STX1A: variants seen among roughly 807,000 people sequenced by gnomAD.
STX1A encodes syntaxin 1A.
In STX1A, 4 loss-of-function variants were observed where a neutral mutation model predicts 37.8. The ratio of observed to expected loss-of-function variants is 0.11; its 90% CI spans 0.05 to 0.24. The LOEUF (loss-of-function observed/expected upper bound fraction) is 0.24, where lower values mean the gene tolerates loss of function less well. Among genes scored for constraint, STX1A ranks in the 10% least tolerant of loss-of-function variants. The pLI is 1.00. For missense variants in STX1A, 251 were observed against 399.9 expected (o/e 0.63, Z 3.18); for synonymous variants, 135 against 147.4 (o/e 0.92, Z 0.61).
chr7:73,711,607 C>T (rs1250807375), intron 1 of STX1A, among the ~76,000 whole-genome samples: 1 of 152,070 alleles, frequency 6.6e-6, no homozygotes, highest in African/African-American at 2.4e-5. Flanking sequence ...GGAGCCCTCC[C>T]TAGGGAAACT....
chr7:73,717,480 A>T lies in STX1A; in HGVS notation c.30+2122T>A, dbSNP rs1314453002. 6.6e-6 allele frequency among the ~76,000 whole-genome samples: 1 copy of T among 152,052 alleles called. No homozygotes were observed. The highest frequency in any genetic ancestry group is 1.5e-5 in the Non-Finnish European group (1 of 67,986). On this transcript the variant is annotated intron_variant, in intron 1 of 9. Transcript: ENST00000222812. The surrounding 1 kb of genome is among the most constrained non-coding windows in gnomAD (Gnocchi z 4.1). ...GAGAAACTGAATTCTAGGCTTTCCCATCCCCACTTCACAGATGGGAACCCT... is the reference window on the plus strand; with the variant it reads ...GAGAAACTGAATTCTAGGCTTTCCCTTCCCCACTTCACAGATGGGAACCCT...
At chr7:73,703,292 G>A (rs1798734133) in intron 7 of STX1A, 2 of 548,928 alleles carry the variant, frequency 3.6e-6, no homozygotes, top group Non-Finnish European at 6.7e-6. Context: ...TGACTGCCCC[G>A]TGGACCCAAG....
At position 73,699,947 on chromosome 7, in the gene STX1A, C is replaced by T. The variant is rs1331379197; in HGVS notation, c.*460G>A. On this transcript the variant is annotated 3_prime_UTR_variant, in exon 10 of 10. Coordinates refer to ENST00000222812, the MANE Select transcript of STX1A (RefSeq NM_004603.4). ...GGGCTGTCCCTCAGGGCCACCTCTC[C>T]CCTAACCTGAAAAGCAGCACCATGT... 1 of 207,452 alleles carries T rather than the reference C, an allele frequency of 4.8e-6. No homozygotes were observed. Among genetic ancestry groups the T allele is most frequent in the Non-Finnish European group, 9.9e-6 (1 of 100,868 alleles). 12.9% of individuals were successfully genotyped at this position (207,452 alleles called of 1,614,324 possible).
chr7:73,702,825 C>G lies in STX1A; in HGVS notation c.678+20G>C. Reference sequence around the variant, plus strand: ...TGCTGGTGTGGGCTGGAGTGGAGGGCAGGGGGGCCCGGCACTCACCTGGCT... The same window carrying G: ...TGCTGGTGTGGGCTGGAGTGGAGGGGAGGGGGGCCCGGCACTCACCTGGCT... On this transcript the variant is annotated intron_variant, in intron 8 of 9. Coordinates refer to ENST00000222812, the MANE Select transcript of STX1A (RefSeq NM_004603.4). This position sits in a 1 kb window ranked among gnomAD's most constrained non-coding sequence, Gnocchi z 4.7. The G allele has an allele frequency of 6.2e-7, 1 of 1,613,662 alleles. No homozygotes were observed. The highest frequency in any genetic ancestry group is 8.5e-7 in the Non-Finnish European group (1 of 1,179,918).
At chr7:73,704,011 C>G in intron 6 of STX1A, 137 bp downstream of exon 6, 1 of 1,144,876 alleles carries the variant, frequency 8.7e-7, no homozygotes, top group Non-Finnish European at 1.2e-6. Context: ...CCTCCAGCCC[C>G]AAACTCAGCA....
intron 1 of STX1A, among the ~76,000 whole-genome samples, chr7:73,718,580 CA>C (rs1414007734): frequency 6.6e-6 from 1 of 152,014 alleles, no homozygotes; most frequent in African/African-American, 2.4e-5. Context: ...ACCAGATGAC[CA>C]GATGAGACTC....
chr7:73,708,438 T>C, intron 3 of STX1A, 151 bp downstream of exon 3: 2 of 700,074 alleles, frequency 2.9e-6, no homozygotes, highest in Non-Finnish European at 4.8e-6. Flanking sequence ...TTCCCAAGGC[T>C]TCTCGTGAAA....
Position 73,702,960 on chromosome 7 carries a change from G to T in STX1A, c.563C>A (p.Ser188Ter). The T allele has an allele frequency of 6.2e-7, 1 of 1,607,976 alleles. No homozygotes were observed. The highest frequency in any genetic ancestry group is 8.5e-7 in the Non-Finnish European group (1 of 1,177,312). Residue 188 changes from serine (S) to a stop codon, truncating the protein, a stop_gained, in exon 8 of 10, where the codon TCG becomes TAG. Transcript: ENST00000222812. LOFTEE classifies it high-confidence loss of function. The surrounding 1 kb of genome is among the most constrained non-coding windows in gnomAD (Gnocchi z 4.7). ...CTCAATCTCGCTCAGAGCCTGCTTC[G>T]AGATGCTGGAGTCCATGATGATCTG... The part of the protein sequence containing the change: ...ASGIIMDSSI[S>*]KQALSEIETR...
At position 73,702,398 on chromosome 7, in the gene STX1A, C is replaced by G. The variant is rs1554616019; in HGVS notation, c.678+447G>C. The stretch of plus-strand genomic sequence containing the variant: ...TCTGGGACGGGGACCTGGAAACTTA[C>G]AAGTCCTCCAGGTGACTCATTCAAG... On this transcript the variant is annotated intron_variant, in intron 8 of 9. Coordinates refer to ENST00000222812, the MANE Select transcript of STX1A (RefSeq NM_004603.4). This position sits in a 1 kb window ranked among gnomAD's most constrained non-coding sequence, Gnocchi z 4.7. The G allele has an allele frequency of 3.6e-6, 1 of 278,050 alleles. No individual in the cohort carries two copies. The highest frequency in any genetic ancestry group is 2.2e-5 in the African/African-American group (1 of 45,868). 17.2% of individuals were successfully genotyped at this position (278,050 alleles called of 1,614,324 possible).
chr7:73,704,058 G>A (rs1272440395), intron 6 of STX1A, 90 bp downstream of exon 6: 4 of 1,374,744 alleles, frequency 2.9e-6, no homozygotes, highest in Non-Finnish European at 3.9e-6. Flanking sequence ...CCCTAACTAA[G>A]CAGCAGCCTT....
chr7:73,715,317 G>T (rs1440161624), intron 1 of STX1A, among the ~76,000 whole-genome samples: 3 of 151,606 alleles, frequency 2.0e-5, no homozygotes, highest in Non-Finnish European at 2.9e-5. Flanking sequence ...AGCTACTCAG[G>T]AGGCTGAGGA....
At position 73,717,846 on chromosome 7, in the gene STX1A, G is replaced by A. The variant is rs113738540; in HGVS notation, c.30+1756C>T. Reference sequence around the variant, plus strand: ...CCAGCTCCACTGGCTGTCCCCCAGTGTCAGCCAGGCCTGAGTCTGACTATC... The same window carrying A: ...CCAGCTCCACTGGCTGTCCCCCAGTATCAGCCAGGCCTGAGTCTGACTATC... On this transcript the variant is annotated intron_variant, in intron 1 of 9. Transcript: ENST00000222812. The surrounding 1 kb of genome is among the most constrained non-coding windows in gnomAD (Gnocchi z 4.1). 4.3e-4 allele frequency among the ~76,000 whole-genome samples: 65 copies of A among 152,282 alleles called. No homozygotes were observed. The highest frequency in any genetic ancestry group is 1.5e-3 in the African/African-American group (62 of 41,564).
chr7:73,704,257 C>G lies in STX1A; in HGVS notation c.358-1G>C, dbSNP rs1798786475. 1 of 1,613,922 alleles carries G rather than the reference C, an allele frequency of 6.2e-7. No homozygotes were observed. The highest frequency in any genetic ancestry group is 8.5e-7 in the Non-Finnish European group (1 of 1,180,014). On this transcript the variant is annotated splice_acceptor_variant, in intron 5 of 9. Transcript: ENST00000222812. LOFTEE classifies it high-confidence loss of function. ...CAAACTTTCTGGACAGCGTGGAGTG[C>G]TGGGGGCCCGAGATGGAGGTGCAGG...
chr7:73,710,954 G>A (rs1484069082), intron 1 of STX1A, among the ~76,000 whole-genome samples: 2 of 152,066 alleles, frequency 1.3e-5, no homozygotes, highest in African/African-American at 4.8e-5. Context: ...GAAAAAGTGG[G>A]GAAGCAGGGC....
At chr7:73,704,316 A>C (rs2116736713) in intron 5 of STX1A, 34 bp downstream of exon 5, 1 of 1,613,894 alleles carries the variant, frequency 6.2e-7, no homozygotes, top group Non-Finnish European at 8.5e-7. Flanking sequence ...CCAGAGACTC[A>C]GGTGCCCGCC....
chr7:73,704,852 G>A, intron 4 of STX1A: 1 of 540,274 alleles, frequency 1.9e-6, no homozygotes, highest in South Asian at 2.1e-5. Context: ...TTCTGCAAGA[G>A]ACCAGGAAGT....
At chr7:73,704,324 G>A (rs1584243891) in intron 5 of STX1A, 26 bp downstream of exon 5, 1 of 1,613,986 alleles carries the variant, frequency 6.2e-7, no homozygotes, top group Non-Finnish European at 8.5e-7. Flanking sequence ...TCAGGTGCCC[G>A]CCCATCCTAG....
chr7:73,704,323 C>T (rs1554616468), intron 5 of STX1A, 27 bp downstream of exon 5: 1 of 1,613,958 alleles, frequency 6.2e-7, no homozygotes, highest in African/African-American at 1.3e-5. Context: ...CTCAGGTGCC[C>T]GCCCATCCTA....
In STX1A at chr7:73,708,574, G is replaced by T; in HGVS notation, c.208+15C>A. The T allele has an allele frequency of 6.2e-7, 1 of 1,609,908 alleles. No homozygotes were observed. Reference sequence around the variant, plus strand: ...TTGTGGGGCCTGAAACCCGTCCCCCGCCCCACACACTCACTCTCATCGGGG... The same window carrying T: ...TTGTGGGGCCTGAAACCCGTCCCCCTCCCCACACACTCACTCTCATCGGGG... On this transcript the variant is annotated intron_variant, in intron 3 of 9. Transcript: ENST00000222812.
Sources: allele counts gnomAD v4.1 joint callset (sites outside exome capture counted in the v4.1 genomes callset), GRCh38; gene constraint gnomAD v4.1.1; non-coding constraint Gnocchi (gnomAD v3.1); transcripts MANE v1.5; gene names NCBI Gene and HGNC (gene_info 2026-07-23, HGNC 2026-07-21).